The following DRGX variants were observed in gnomAD, a reference collection of about 807,000 sequenced individuals.
DRGX encodes dorsal root ganglia homeobox.
DRGX carries 21 observed loss-of-function variants against 28.6 expected under a neutral mutation model. That is an observed-to-expected ratio of 0.73 (90% confidence interval 0.52 to 1.06). The LOEUF (loss-of-function observed/expected upper bound fraction) is 1.06, where lower values mean the gene tolerates loss of function less well. DRGX is among the 50% of genes least tolerant of loss of function. DRGX has a pLI of 0.00. For synonymous variants in DRGX, 136 were observed against 139.1 expected, an observed-to-expected ratio of 0.98 and a Z score of 0.16; for missense variants, 354 against 343.9, an observed-to-expected ratio of 1.03 and a Z score of -0.23.
chr10:49,390,522 C>CA (rs1010100842), intron 3 of DRGX, among the ~76,000 whole-genome samples: 23 of 150,910 alleles, frequency 1.5e-4, no homozygotes, highest in African/African-American at 4.6e-4. Flanking sequence ...TCATAGGAAT[C>CA]AAAAAAAAAC....
chr10:49,391,959 G>A, intron 2 of DRGX: 1 of 453,198 alleles, frequency 2.2e-6, no homozygotes, highest in Non-Finnish European at 4.6e-6. Flanking sequence ...CTCTCAAAGG[G>A]CACCCCACCC....
intron 6 of DRGX, among the ~76,000 whole-genome samples, chr10:49,383,742 C>G (rs1203342700): frequency 2.6e-5 from 4 of 152,196 alleles, no homozygotes; most frequent in African/African-American, 9.7e-5. Context: ...GGAGCTTGCT[C>G]TCTTTCCACA....
chr10:49,375,902 G>T (rs1849711648), intron 6 of DRGX, among the ~76,000 whole-genome samples: 1 of 152,098 alleles, frequency 6.6e-6, no homozygotes, highest in African/African-American at 2.4e-5. Flanking sequence ...TGCTGCCTCT[G>T]GCACCAGCCA....
intron 6 of DRGX, among the ~76,000 whole-genome samples, chr10:49,380,594 G>A (rs1031677381): frequency 6.6e-6 from 1 of 152,108 alleles, no homozygotes; most frequent in African/African-American, 2.4e-5. Context: ...CCCACAGTGA[G>A]CCCAGCAAGC....
chr10:49,386,668 C>G lies in DRGX; in HGVS notation c.413+12G>C, dbSNP rs914238598. 6.4e-6 allele frequency: 10 copies of G among 1,573,116 alleles called. No individual in the cohort carries two copies. The Admixed American group carries it at 1.1e-4, about 17-fold the overall frequency. Reference sequence around the variant, plus strand: ...CCCATGGCCCACCGGGCCCAGAGACCCACAGCCTCACCTCTGCTGGGCCTC... The same window carrying G: ...CCCATGGCCCACCGGGCCCAGAGACGCACAGCCTCACCTCTGCTGGGCCTC... On this transcript the variant is annotated intron_variant, in intron 5 of 6. Coordinates refer to ENST00000374139, the MANE Select transcript of DRGX (RefSeq NM_001276451.2).
intron 6 of DRGX, among the ~76,000 whole-genome samples, chr10:49,370,685 G>A (rs1228029790): frequency 6.6e-6 from 1 of 152,236 alleles, no homozygotes; most frequent in Non-Finnish European, 1.5e-5. Flanking sequence ...CAGAGGTATG[G>A]AAAAGACTGA....
At chr10:49,377,792 G>A (rs985864485) in intron 6 of DRGX, among the ~76,000 whole-genome samples, 8 of 152,168 alleles carry the variant, frequency 5.3e-5, no homozygotes, top group Non-Finnish European at 8.8e-5. Flanking sequence ...GCCCAGTTGA[G>A]CCCAGCCAGC....
chr10:49,384,302 C>G (rs966491939), intron 6 of DRGX, among the ~76,000 whole-genome samples: 12 of 152,210 alleles, frequency 7.9e-5, no homozygotes, highest in African/African-American at 2.9e-4. Context: ...TCTGGAAACA[C>G]GGTATGTCGC....
chr10:49,394,928 G>A (rs2132489670), intron 2 of DRGX, among the ~76,000 whole-genome samples: 1 of 152,356 alleles, frequency 6.6e-6, no homozygotes, highest in South Asian at 2.1e-4. Context: ...GGCGGAAGAG[G>A]CCCCTGCAGT....
intron 6 of DRGX, among the ~76,000 whole-genome samples, chr10:49,367,683 G>A (rs945535735): frequency 6.6e-6 from 1 of 152,178 alleles, no homozygotes; most frequent in Non-Finnish European, 1.5e-5. Context: ...TACGAAGAGG[G>A]AATTTCTGAA....
intron 2 of DRGX, chr10:49,391,797 C>A (rs367679784): frequency 4.0e-6 from 2 of 505,972 alleles, no homozygotes; most frequent in African/African-American, 1.9e-5. Flanking sequence ...AAGTGCAGAA[C>A]GTGAGGAGGT....
intron 6 of DRGX, among the ~76,000 whole-genome samples, chr10:49,374,077 T>A (rs1849692165): frequency 6.6e-6 from 1 of 152,184 alleles, no homozygotes; most frequent in South Asian, 2.1e-4. Flanking sequence ...GAATTTTTTT[T>A]ATTTGTGTTT....
chr10:49,388,514 C>T (rs571286510), intron 4 of DRGX, among the ~76,000 whole-genome samples: 13 of 152,322 alleles, frequency 8.5e-5, no homozygotes, highest in African/African-American at 2.9e-4. Context: ...TATCAGCAAC[C>T]ATTGAATAAT....
intron 6 of DRGX, among the ~76,000 whole-genome samples, chr10:49,385,543 G>T (rs1026878879): frequency 1.3e-5 from 2 of 152,258 alleles, no homozygotes; most frequent in African/African-American, 4.8e-5. Context: ...TCTGTCTCCA[G>T]AAACCACCTT....
Position 49,365,900 on chromosome 10 carries a change from G to T in DRGX, c.*216C>A. ...CCACCAAGTGCCATCGGGATCTGTTGCCAAAGAAGCCAGGACAACACTGCC... is the reference window on the plus strand; with the variant it reads ...CCACCAAGTGCCATCGGGATCTGTTTCCAAAGAAGCCAGGACAACACTGCC... On this transcript the variant is annotated 3_prime_UTR_variant, in exon 7 of 7. Coordinates refer to ENST00000374139, the MANE Select transcript of DRGX (RefSeq NM_001276451.2). 1 of 438,642 alleles carries T rather than the reference G, an allele frequency of 2.3e-6. No individual in the cohort carries two copies. Among genetic ancestry groups the T allele is most frequent in the Non-Finnish European group, 3.8e-6 (1 of 262,422 alleles). 27.2% of individuals were successfully genotyped at this position (438,642 alleles called of 1,614,324 possible). A position where few individuals can be genotyped will look rare whatever the true frequency, so the allele number is the denominator to read the frequency against.
chr10:49,381,912 G>A (rs1849780947), intron 6 of DRGX, among the ~76,000 whole-genome samples: 1 of 152,214 alleles, frequency 6.6e-6, no homozygotes, highest in Non-Finnish European at 1.5e-5. Flanking sequence ...ACTGATTTGG[G>A]TCTGGGAGCT....
intron 6 of DRGX, among the ~76,000 whole-genome samples, chr10:49,373,869 T>TA (rs1159697844): frequency 6.6e-6 from 1 of 152,142 alleles, no homozygotes; most frequent in Non-Finnish European, 1.5e-5. Context: ...CACATAAATC[T>TA]AGCTTCATAG....
intron 6 of DRGX, among the ~76,000 whole-genome samples, chr10:49,376,800 G>C (rs2132474920): frequency 6.6e-6 from 1 of 152,248 alleles, no homozygotes; most frequent in Non-Finnish European, 1.5e-5. Context: ...TCACTGCACA[G>C]CTCAAGCATC....
intron 6 of DRGX, among the ~76,000 whole-genome samples, chr10:49,376,061 A>G (rs146752920): frequency 2.4e-3 from 368 of 152,274 alleles, no homozygotes; most frequent in African/African-American, 8.2e-3. Flanking sequence ...AAAGGAGCAG[A>G]ATCAATACAG....
Sources: allele counts gnomAD v4.1 joint callset (sites outside exome capture counted in the v4.1 genomes callset), GRCh38; gene constraint gnomAD v4.1.1; transcripts MANE v1.5; gene names NCBI Gene and HGNC (gene_info 2026-07-23, HGNC 2026-07-21).